MTX2: variants seen among roughly 807,000 people sequenced by gnomAD.
MTX2 encodes the protein metaxin-2.
Under a neutral mutation model 42.3 loss-of-function variants are expected in MTX2, and 35 were observed. That is an observed-to-expected ratio of 0.83 (90% CI 0.63 to 1.10). The LOEUF (loss-of-function observed/expected upper bound fraction) is 1.10, where lower values mean the gene tolerates loss of function less well. Among genes scored for constraint, MTX2 ranks in the 50% least tolerant of loss-of-function variants. The pLI is 0.00. For missense variants in MTX2, 307 were observed against 304.1 expected (o/e 1.01, Z -0.07); for synonymous variants, 119 against 100.9 (o/e 1.18, Z -1.08).
At chr2:176,325,804 A>G (rs2105441994) in intron 4 of MTX2, among the ~76,000 whole-genome samples, 1 of 151,934 alleles carries the variant, frequency 6.6e-6, no homozygotes, top group South Asian at 2.1e-4. Context: ...AGTAGAAGGA[A>G]GGAATGCAGA....
intron 3 of MTX2, among the ~76,000 whole-genome samples, chr2:176,302,866 T>C (rs574750577): frequency 6.6e-5 from 10 of 152,330 alleles, no homozygotes; most frequent in East Asian, 5.8e-4. Flanking sequence ...GAAGGATGTA[T>C]TAATTATTGG....
chr2:176,269,479 A>T lies in MTX2; in HGVS notation c.-151A>T. ...GCCTGGCGGTAACCTTGGGGGCCTC[A>T]CTGCAGCCGCCGCTGCTGTTGGAGT... On this transcript the variant is annotated 5_prime_UTR_variant, in exon 1 of 10. Coordinates refer to ENST00000249442, the MANE Select transcript of MTX2 (RefSeq NM_006554.5). The T allele has an allele frequency of 1.2e-6, 1 of 847,160 alleles. No homozygotes were observed. The highest frequency in any genetic ancestry group is 1.7e-6 in the Non-Finnish European group (1 of 581,994). 52.5% of individuals were successfully genotyped at this position (847,160 alleles called of 1,614,324 possible).
rs1693038767 is a variant in MTX2, at chr2:176,279,930, T to C, written c.40+10261T>C. Among the ~76,000 whole-genome samples, 3 of 152,238 alleles carry C rather than the reference T, an allele frequency of 2.0e-5. No individual in the cohort carries two copies. In the South Asian group the frequency reaches 6.2e-4, roughly 32 times the overall value. ...GATTATAGACAAATATAAACTATGC[T>C]TTCATTATTTACTGTTTTAGATTAT... On this transcript the variant is annotated intron_variant, in intron 1 of 9. Transcript: ENST00000249442.
At chr2:176,319,676 A>G (rs761402679) in intron 3 of MTX2, among the ~76,000 whole-genome samples, 13 of 151,862 alleles carry the variant, frequency 8.6e-5, no homozygotes, top group Non-Finnish European at 1.8e-4. Flanking sequence ...CCCGGGTTCA[A>G]GTGATTCTCC....
intron 3 of MTX2, among the ~76,000 whole-genome samples, chr2:176,300,973 C>T (rs1481104818): frequency 2.0e-5 from 3 of 152,094 alleles, no homozygotes; most frequent in Non-Finnish European, 2.9e-5. Flanking sequence ...GGAATGGAAG[C>T]TTGCAGCCTT....
At chr2:176,312,059 G>GT (rs1243696219) in intron 3 of MTX2, among the ~76,000 whole-genome samples, 1 of 152,152 alleles carries the variant, frequency 6.6e-6, no homozygotes, top group Non-Finnish European at 1.5e-5. Context: ...ATTATTAATA[G>GT]TTTTTAAGTT....
intron 1 of MTX2, among the ~76,000 whole-genome samples, chr2:176,289,606 A>AT (rs1693281282): frequency 6.6e-6 from 1 of 152,122 alleles, no homozygotes; most frequent in African/African-American, 2.4e-5. Flanking sequence ...TAAAAATGAT[A>AT]AAAATTTATT....
chr2:176,297,576 TTTC>T (rs1683919494), intron 2 of MTX2, among the ~76,000 whole-genome samples: 3 of 152,288 alleles, frequency 2.0e-5, no homozygotes, highest in Middle Eastern at 3.4e-3. Flanking sequence ...AAGAGGAACA[TTTC>T]TTGAAAACTT....
At chr2:176,307,918 A>G (rs573220811) in intron 3 of MTX2, among the ~76,000 whole-genome samples, 1 of 152,322 alleles carries the variant, frequency 6.6e-6, no homozygotes, top group South Asian at 2.1e-4. Flanking sequence ...TGACCTGGCC[A>G]GAACTTCTAA....
chr2:176,288,453 A>T (rs144323383), intron 1 of MTX2, among the ~76,000 whole-genome samples: 2 of 152,090 alleles, frequency 1.3e-5, no homozygotes, highest in African/African-American at 4.8e-5. Flanking sequence ...CTCTTTGAAC[A>T]TTTTGTTATA....
intron 4 of MTX2, among the ~76,000 whole-genome samples, chr2:176,325,530 GA>G (rs1272877460): frequency 1.3e-5 from 2 of 150,926 alleles, no homozygotes; most frequent in Admixed American, 6.6e-5. Context: ...TTTAAGAAAA[GA>G]AAAAAAATAC....
At chr2:176,284,787 A>G (rs1433038848) in intron 1 of MTX2, among the ~76,000 whole-genome samples, 1 of 152,228 alleles carries the variant, frequency 6.6e-6, no homozygotes, top group African/African-American at 2.4e-5. Flanking sequence ...AGCTAAATGA[A>G]TGAAAGATAA....
intron 3 of MTX2, among the ~76,000 whole-genome samples, chr2:176,309,700 G>C (rs1346144624): frequency 6.7e-6 from 1 of 148,372 alleles, no homozygotes; most frequent in African/African-American, 2.5e-5. Context: ...TTTTATCAGA[G>C]ACCAGGATTG....
At chr2:176,333,894 C>T (rs1230465831) in intron 9 of MTX2, among the ~76,000 whole-genome samples, 1 of 151,632 alleles carries the variant, frequency 6.6e-6, no homozygotes, top group African/African-American at 2.4e-5. Flanking sequence ...ATAGCACCAT[C>T]TAGGTTTGTG....
At chr2:176,315,779 C>T (rs575945793) in intron 3 of MTX2, among the ~76,000 whole-genome samples, 1 of 152,268 alleles carries the variant, frequency 6.6e-6, no homozygotes, top group African/African-American at 2.4e-5. Flanking sequence ...ATAGTTGAAG[C>T]ACAAGCCTGC....
intron 3 of MTX2, among the ~76,000 whole-genome samples, chr2:176,311,404 C>T (rs541242397): frequency 7.7e-4 from 118 of 152,296 alleles, no homozygotes; most frequent in African/African-American, 2.7e-3. Context: ...AGAGCTCAAA[C>T]GCTGTGGTGG....
chr2:176,276,321 C>A (rs927519218), intron 1 of MTX2, among the ~76,000 whole-genome samples: 1 of 152,060 alleles, frequency 6.6e-6, no homozygotes, highest in Non-Finnish European at 1.5e-5. Context: ...GTCATATTGG[C>A]GGTCTGTTAA....
At chr2:176,285,073 T>A (rs1197262161) in intron 1 of MTX2, among the ~76,000 whole-genome samples, 1 of 152,236 alleles carries the variant, frequency 6.6e-6, no homozygotes, top group African/African-American at 2.4e-5. Flanking sequence ...ATTTGTGAGC[T>A]CTGCAGGAGG....
Position 176,302,707 on chromosome 2 carries a change from G to T in MTX2, c.135+4812G>T, listed in dbSNP as rs867008791. 4.6e-5 allele frequency among the ~76,000 whole-genome samples: 7 copies of T among 152,098 alleles called. No homozygotes were observed. The Middle Eastern group carries it at 0.01, about 222-fold the overall frequency. Reference sequence around the variant, plus strand: ...CCCATCTCAGCCTCCCAAAGTGCTGGGTTTACAGGTGTGAGCCACTGCACC... The same window carrying T: ...CCCATCTCAGCCTCCCAAAGTGCTGTGTTTACAGGTGTGAGCCACTGCACC... On this transcript the variant is annotated intron_variant, in intron 3 of 9. Transcript: ENST00000249442.
Sources: gnomAD v4.1 joint callset for allele counts (sites outside exome capture counted in the v4.1 genomes callset) on GRCh38, gnomAD v4.1.1 for gene constraint, MANE v1.5 for transcripts, NCBI Gene and HGNC (gene_info 2026-07-23, HGNC 2026-07-21) for gene names.